Variants in GLIS2 observed in about 807,000 individuals in gnomAD.
GLIS2 encodes zinc finger protein GLIS2.
GLIS2 carries 14 observed loss-of-function variants against 35.6 expected under a neutral mutation model. The ratio of observed to expected loss-of-function variants is 0.39; its 90% CI spans 0.26 to 0.61. GLIS2 has a LOEUF of 0.61. Among genes scored for constraint, GLIS2 ranks in the 20% least tolerant of loss-of-function variants. The pLI is 0.48. For missense variants in GLIS2, 675 were observed against 713.4 expected (o/e 0.95, Z 0.61); for synonymous variants, 368 against 325.1 (o/e 1.13, Z -1.42).
At chr16:4,318,955 G>T (rs1387483549) in intron 1 of GLIS2, among the ~76,000 whole-genome samples, 2 of 152,200 alleles carry the variant, frequency 1.3e-5, no homozygotes, top group African/African-American at 2.4e-5. Flanking sequence ...GTGACTGGGG[G>T]ACCAGATGTG....
intron 1 of GLIS2, among the ~76,000 whole-genome samples, chr16:4,316,930 G>T (rs958590245): frequency 9.2e-5 from 14 of 152,314 alleles, no homozygotes; most frequent in Non-Finnish European, 5.9e-5. Context: ...GGGTGGAGGA[G>T]GGGGCGAGGC....
chr16:4,335,215 T>G lies in GLIS2; in HGVS notation c.656+22T>G. On this transcript the variant is annotated intron_variant, in intron 5 of 6. Coordinates refer to ENST00000433375, the MANE Select transcript of GLIS2 (RefSeq NM_032575.3). This position sits in a 1 kb window ranked among gnomAD's most constrained non-coding sequence, Gnocchi z 4.6. ...CCAGGTGAGGTGGGGGAGAGAGGGG[T>G]AGAGGGAGGACTGGGGTCTCCAGTG... The G allele has an allele frequency of 6.2e-7, 1 of 1,612,564 alleles. No individual in the cohort carries two copies. The highest frequency in any genetic ancestry group is 1.7e-5 in the Admixed American group (1 of 59,928).
Position 4,332,087 on chromosome 16 carries a change from A to C in GLIS2, c.-66-128A>C, listed in dbSNP as rs184487584. The C allele has an allele frequency of 1.4e-5, 10 of 719,258 alleles. No individual in the cohort carries two copies. In the Admixed American group the frequency reaches 1.9e-4, roughly 14 times the overall value. The allele number at this position is 719,258 out of a possible 1,614,324, so 44.6% of individuals were successfully genotyped here. A position where few individuals can be genotyped will look rare whatever the true frequency, so the allele number is the denominator to read the frequency against. ...GATAGCTGCCGGCCAGGTCGCTCGG[A>C]GGGTCTCCCTACCCAGGAGACAACC... is the stretch of plus-strand genomic sequence containing the variant. On this transcript the variant is annotated intron_variant, in intron 1 of 6. Transcript: ENST00000433375. The surrounding 1 kb of genome is among the most constrained non-coding windows in gnomAD (Gnocchi z 5.4).
Position 4,337,067 on chromosome 16 carries a change from C to T in GLIS2, c.1118C>T (p.Pro373Leu), listed in dbSNP as rs2053561674. 1.3e-6 allele frequency: 2 copies of T among 1,545,638 alleles called. No individual in the cohort carries two copies. Among genetic ancestry groups the T allele is most frequent in the South Asian group, 1.2e-5 (1 of 84,536 alleles). The change falls in exon 7 of 7, where the codon CCC (proline) becomes CTC (leucine). Residue 373 changes from proline (P) to leucine (L), a missense_variant. Around this residue, in one of 3 missense-constraint regions of GLIS2, gnomAD observed 317 missense variants for 283.2 expected, o/e 1.12. Transcript: ENST00000433375. ...CCTGGCCTGCCCGGCTTACCCCTAC[C>T]CCTGGCCCCCGGCCCCCTTGACCTC... ...GGPGLPGLPLPLAPGPLDLSA... is the reference protein window; with the variant it reads ...GGPGLPGLPLLLAPGPLDLSA...
chr16:4,320,751 C>G lies in GLIS2; in HGVS notation c.-67+4497C>G, dbSNP rs892767051. Among the ~76,000 whole-genome samples the G allele has an allele frequency of 6.6e-6, 1 of 152,138 alleles. No individual in the cohort carries two copies. Among genetic ancestry groups the G allele is most frequent in the Non-Finnish European group, 1.5e-5 (1 of 68,018 alleles). On this transcript the variant is annotated intron_variant, in intron 1 of 6. Coordinates refer to ENST00000433375, the MANE Select transcript of GLIS2 (RefSeq NM_032575.3). The surrounding 1 kb of genome is among the most constrained non-coding windows in gnomAD (Gnocchi z 5.6). Reference sequence around the variant, plus strand: ...TCCCCACCCCAACTTCCAGGCAGACCGACTCTGAGCTGGGATGTCCCCTCC... The same window carrying G: ...TCCCCACCCCAACTTCCAGGCAGACGGACTCTGAGCTGGGATGTCCCCTCC...
intron 6 of GLIS2, chr16:4,336,376 G>A (rs1470102758): frequency 6.3e-6 from 3 of 474,648 alleles, no homozygotes; most frequent in Non-Finnish European, 1.2e-5. Flanking sequence ...GGAACTCCTG[G>A]CCTCAAGTGA....
At position 4,338,695 on chromosome 16, in the gene GLIS2, AG is replaced by A. The variant is rs1307419077; in HGVS notation, c.*1173del. On this transcript the variant is annotated 3_prime_UTR_variant, in exon 7 of 7. Transcript: ENST00000433375. ...TTTCCCTGCTGGGCCGCTTTCTCAGAGGCACTTCCCCACCCCTAACACCCAG... is the reference window on the plus strand; with the variant it reads ...TTTCCCTGCTGGGCCGCTTTCTCAGAGCACTTCCCCACCCCTAACACCCAG... The A allele has an allele frequency of 6.5e-6, 1 of 153,388 alleles. No individual in the cohort carries two copies. The highest frequency in any genetic ancestry group is 1.4e-5 in the Non-Finnish European group (1 of 69,064). 9.5% of individuals were successfully genotyped at this position (153,388 alleles called of 1,614,324 possible).
At chr16:4,336,021 C>A (rs770065509) in intron 6 of GLIS2, 1 of 177,808 alleles carries the variant, frequency 5.6e-6, no homozygotes, top group Non-Finnish European at 1.2e-5. Context: ...CTGCTCTGGC[C>A]AGGGCAGCAG....
chr16:4,321,671 G>C (rs1282198171), intron 1 of GLIS2, among the ~76,000 whole-genome samples: 2 of 152,188 alleles, frequency 1.3e-5, no homozygotes, highest in African/African-American at 2.4e-5. Flanking sequence ...CTCCGTGCCA[G>C]GGGCCGTGGG....
chr16:4,326,135 C>T (rs2053428132), intron 1 of GLIS2, among the ~76,000 whole-genome samples: 1 of 151,956 alleles, frequency 6.6e-6, no homozygotes, highest in Non-Finnish European at 1.5e-5. Flanking sequence ...GTCCCAGCAA[C>T]TCAGGAGGCT....
Position 4,336,898 on chromosome 16 carries a change from C to T in GLIS2, c.949C>T (p.His317Tyr). The change falls in exon 7 of 7, where the codon CAT becomes TAT. Residue 317 changes from histidine (H) to tyrosine (Y), a missense_variant. By Grantham distance (83) the His-to-Tyr change is moderately conservative. Coordinates refer to ENST00000433375, the MANE Select transcript of GLIS2 (RefSeq NM_032575.3). ...PSSLRKHIKA[H>Y]GHFVSHEQQE... ...CTCACTGCGCAAGCACATCAAGGCC[C>T]ATGGCCACTTTGTGTCCCACGAGCA... is the stretch of plus-strand genomic sequence containing the variant. The T allele has an allele frequency of 1.2e-6, 2 of 1,613,222 alleles. No homozygotes were observed. The highest frequency in any genetic ancestry group is 1.7e-6 in the Non-Finnish European group (2 of 1,180,024).
intron 1 of GLIS2, among the ~76,000 whole-genome samples, chr16:4,330,740 C>T (rs2053489440): frequency 6.6e-6 from 1 of 152,258 alleles, no homozygotes; most frequent in African/African-American, 2.4e-5. Flanking sequence ...TAGGACACGG[C>T]TAGCCAGTTC....
At chr16:4,315,908 G>A (rs1305877460), upstream of GLIS2, among the ~76,000 whole-genome samples, 4 of 148,890 alleles carry the variant, frequency 2.7e-5, no homozygotes, top group Non-Finnish European at 6.0e-5. Context: ...GAGGGAGGGA[G>A]CGAGCGAGCG....
chr16:4,333,277 C>G (rs988269990), intron 2 of GLIS2, 70 bp from the exon 3 acceptor site: 1 of 1,567,820 alleles, frequency 6.4e-7, no homozygotes, highest in African/African-American at 1.4e-5. Flanking sequence ...AGTGGGGGTT[C>G]GGAGGCAGGA....
chr16:4,327,143 C>G (rs762293081), intron 1 of GLIS2, among the ~76,000 whole-genome samples: 10 of 151,818 alleles, frequency 6.6e-5, no homozygotes, highest in Non-Finnish European at 1.0e-4. Context: ...ATTCTCCTGC[C>G]TCGGCCTCCC....
chr16:4,334,905 T>C lies in GLIS2; in HGVS notation c.450T>C (p.Leu150=). 6.2e-7 allele frequency: 1 copy of C among 1,613,106 alleles called. No individual in the cohort carries two copies. The change falls in exon 4 of 7, where the codon CTT becomes CTC. Residue 150 remains leucine, a synonymous_variant. Transcript: ENST00000433375. The part of the protein sequence containing the change: ...GALHLPASSF[L]TPPKDKCLSP... ...TGCACCTGCCTGCCTCCTCCTTCCT[T>C]ACCCCTCCCAAGGACAAGTGCCTCT...
At chr16:4,321,911 G>T (rs746465602) in intron 1 of GLIS2, among the ~76,000 whole-genome samples, 1 of 152,132 alleles carries the variant, frequency 6.6e-6, no homozygotes, top group Non-Finnish European at 1.5e-5. Flanking sequence ...ACTTGGACCC[G>T]GGACAGCCTG....
intron 1 of GLIS2, among the ~76,000 whole-genome samples, chr16:4,331,016 GC>G (rs2053491482): frequency 6.6e-6 from 1 of 152,086 alleles, no homozygotes; most frequent in Non-Finnish European, 1.5e-5. Flanking sequence ...TTGCTCTGTC[GC>G]CCAGGCTGGA....
Position 4,337,067 on chromosome 16 carries a change from C to A in GLIS2, c.1118C>A (p.Pro373His). Residue 373 changes from proline (P) to histidine (H), a missense_variant, in exon 7 of 7, where the codon CCC becomes CAC. Transcript: ENST00000433375. ...GGPGLPGLPLPLAPGPLDLSA... is the reference protein window; with the variant it reads ...GGPGLPGLPLHLAPGPLDLSA... The stretch of plus-strand genomic sequence containing the variant: ...CCTGGCCTGCCCGGCTTACCCCTAC[C>A]CCTGGCCCCCGGCCCCCTTGACCTC... The A allele has an allele frequency of 5.2e-6, 8 of 1,545,638 alleles. No homozygotes were observed. Among genetic ancestry groups the A allele is most frequent in the Non-Finnish European group, 7.0e-6 (8 of 1,150,832 alleles).
Sources: gnomAD v4.1 joint callset for allele counts (sites outside exome capture counted in the v4.1 genomes callset) on GRCh38, gnomAD v4.1.1 for gene constraint, gnomAD v4.1.1 regional missense constraint, Gnocchi (gnomAD v3.1) non-coding constraint, MANE v1.5 for transcripts, NCBI Gene and HGNC (gene_info 2026-07-23, HGNC 2026-07-21) for gene names.